Variants in SLC48A1 observed in about 807,000 individuals in gnomAD.
SLC48A1 encodes heme transporter HRG1.
SLC48A1 carries 6 observed loss-of-function variants against 14.8 expected under a neutral mutation model. The observed-to-expected ratio is 0.41, with a 90% confidence interval of 0.22 to 0.80. SLC48A1 has a LOEUF of 0.80. Among genes scored for constraint, SLC48A1 ranks in the 30% least tolerant of loss-of-function variants. The pLI, the probability that SLC48A1 is intolerant of heterozygous loss-of-function variation, is 0.34. For synonymous variants in SLC48A1, 89 were observed against 90.0 expected, an observed-to-expected ratio of 0.99 and a Z score of 0.06; for missense variants, 165 against 204.8, an observed-to-expected ratio of 0.81 and a Z score of 1.19.
At chr12:47,779,291 G>T (rs1163324215) in intron 2 of SLC48A1, 96 bp downstream of exon 2, 1 of 1,426,918 alleles carries the variant, frequency 7.0e-7, no homozygotes, top group Non-Finnish European at 9.3e-7. Flanking sequence ...CCTCCAAAGA[G>T]ACTGGGTGAA....
intron 1 of SLC48A1, among the ~76,000 whole-genome samples, chr12:47,773,864 C>G (rs969611608): frequency 6.6e-6 from 1 of 151,924 alleles, no homozygotes; most frequent in Non-Finnish European, 1.5e-5. Flanking sequence ...GGATCCCCTG[C>G]CCCCCAGGCG....
chr12:47,756,069 C>A (rs1459504212), upstream of SLC48A1: 2 of 152,248 alleles, frequency 1.3e-5, no homozygotes, highest in Non-Finnish European at 2.9e-5. Context: ...GTCACCAACG[C>A]CCACCTGGCA....
upstream of SLC48A1, chr12:47,772,244 C>G (rs146369499): frequency 3.6e-3 from 553 of 154,892 alleles, 3 homozygotes; most frequent in African/African-American, 0.012. Context: ...GATTTTCCCT[C>G]CAGCTCCCGG....
At position 47,764,441 on chromosome 12, in the gene SLC48A1, C is replaced by T. The variant is rs367786088; in HGVS notation, c.-187+4040C>T. Reference sequence around the variant, plus strand: ...CCAGGCCTCTGTTCAGGACTCAAACCCTGTGCCCACTTTGTCCTTTTGTTT... The same window carrying T: ...CCAGGCCTCTGTTCAGGACTCAAACTCTGTGCCCACTTTGTCCTTTTGTTT... On this transcript the variant is annotated intron_variant, in intron 2 of 4. Transcript: ENST00000547002. Among the ~76,000 whole-genome samples, 15 of 152,320 alleles carry T rather than the reference C, an allele frequency of 9.8e-5. No homozygotes were observed. The East Asian group carries it at 1.7e-3, about 18-fold the overall frequency.
intron 1 of SLC48A1, among the ~76,000 whole-genome samples, chr12:47,775,279 C>T (rs1942722540): frequency 6.6e-6 from 1 of 152,178 alleles, no homozygotes. Context: ...TCTTCCGACC[C>T]AACTCTGCCC....
chr12:47,758,080 T>G (rs1408110648), upstream of SLC48A1: 12 of 1,559,744 alleles, frequency 7.7e-6, no homozygotes, highest in Non-Finnish European at 1.0e-5. Context: ...CCAGCCCACC[T>G]GTGACACGGG....
At chr12:47,773,203 C>T (rs1439785014), upstream of SLC48A1, 11 of 1,029,408 alleles carry the variant, frequency 1.1e-5, no homozygotes, top group Non-Finnish European at 1.2e-5. Context: ...CGCGGGGCGC[C>T]GGCTGCTCTG....
rs1319063903 is a variant in SLC48A1 at position 47,779,064 on chromosome 12, T to C, written c.173T>C (p.Met58Thr). ...LALWVLVTHV[M>T]YMQDYWRTWL... is the part of the protein sequence containing the mutation. ...CTGTGGGTCCTGGTGACGCACGTGA[T>C]GTACATGCAAGATTATTGGAGGACC... The change falls in exon 2 of 3, where the codon ATG becomes ACG. Residue 58 changes from methionine to threonine, a missense_variant. Met to Thr is a moderately conservative substitution (Grantham distance 81, BLOSUM62 -1). Coordinates refer to ENST00000442218, the MANE Select transcript of SLC48A1 (RefSeq NM_017842.3). The C allele has an allele frequency of 1.3e-6, 2 of 1,551,790 alleles. No homozygotes were observed. Among genetic ancestry groups the C allele is most frequent in the Non-Finnish European group, 8.7e-7 (1 of 1,147,020 alleles).
At chr12:47,778,995 C>G (rs73105899) in intron 1 of SLC48A1, 33 bp from the exon 2 acceptor site, 255,275 of 1,543,920 alleles carry the variant, frequency 0.17, 22,368 homozygotes, top group Non-Finnish European at 0.18. Flanking sequence ...CTGGAGCACC[C>G]TGGGGATGGG....
intron 2 of SLC48A1, among the ~76,000 whole-genome samples, chr12:47,762,960 G>GC (rs1942419915): frequency 6.6e-6 from 1 of 152,176 alleles, no homozygotes; most frequent in Non-Finnish European, 1.5e-5. Context: ...AATCTTCAGG[G>GC]CCCCAGAGCC....
At chr12:47,776,084 G>A (rs1942745788) in intron 1 of SLC48A1, among the ~76,000 whole-genome samples, 1 of 152,208 alleles carries the variant, frequency 6.6e-6, no homozygotes, top group South Asian at 2.1e-4. Context: ...CTCCAGGACT[G>A]TCTTCCTCCT....
intron 1 of SLC48A1, among the ~76,000 whole-genome samples, chr12:47,774,260 A>G (rs927790633): frequency 6.6e-6 from 1 of 152,230 alleles, no homozygotes; most frequent in African/African-American, 2.4e-5. Flanking sequence ...ATTGGTATGA[A>G]GATGAAAAAT....
chr12:47,767,023 C>G (rs939286586), upstream of SLC48A1, among the ~76,000 whole-genome samples: 1 of 152,130 alleles, frequency 6.6e-6, no homozygotes, highest in Non-Finnish European at 1.5e-5. Context: ...TCTAGGACAG[C>G]CCTTTCTGCT....
chr12:47,766,078 ATTC>A (rs1478951630), intron 2 of SLC48A1, among the ~76,000 whole-genome samples: 1 of 152,096 alleles, frequency 6.6e-6, no homozygotes, highest in Non-Finnish European at 1.5e-5. Context: ...CTAGGGTGCC[ATTC>A]TTGGGGCCCC....
chr12:47,781,547 A>T lies in SLC48A1; in HGVS notation c.*1266A>T, dbSNP rs117708888. The T allele has an allele frequency of 8.8e-3, 1,347 of 153,118 alleles. 8 individuals are homozygous for T. Among genetic ancestry groups the T allele is most frequent in the Non-Finnish European group, 0.013 (910 of 68,332 alleles). The allele number at this position is 153,118 out of a possible 1,614,324, so 9.5% of individuals were successfully genotyped here. Reference sequence around the variant, plus strand: ...GGAAGGGGCTGTTGGTACAAGGATGATTTTCTGTTAGACTGCCATTTTGCA... The same window carrying T: ...GGAAGGGGCTGTTGGTACAAGGATGTTTTTCTGTTAGACTGCCATTTTGCA... On this transcript the variant is annotated 3_prime_UTR_variant, in exon 3 of 3. Transcript: ENST00000442218.
chr12:47,756,814 C>T (rs1942086243), upstream of SLC48A1, among the ~76,000 whole-genome samples: 1 of 151,898 alleles, frequency 6.6e-6, no homozygotes, highest in South Asian at 2.1e-4. Context: ...ACTAAAAATA[C>T]AAAAATTAGC....
upstream of SLC48A1, among the ~76,000 whole-genome samples, chr12:47,768,049 C>T (rs1942554347): frequency 6.6e-6 from 1 of 152,120 alleles, no homozygotes; most frequent in Non-Finnish European, 1.5e-5. Context: ...GCGATCTTGG[C>T]TCACTGCAAC....
Position 47,773,443 on chromosome 12 carries a change from A to T in SLC48A1, c.136+3A>T. ...CGCGGCCATGGGAGGGCTCGCAGGTACCCCGGGACGCTGGGCGGCGCGGGG... is the reference window on the plus strand; with the variant it reads ...CGCGGCCATGGGAGGGCTCGCAGGTTCCCCGGGACGCTGGGCGGCGCGGGG... On this transcript the variant is annotated splice_donor_region_variant and intron_variant, in intron 1 of 2. Coordinates refer to ENST00000442218, the MANE Select transcript of SLC48A1 (RefSeq NM_017842.3). The T allele has an allele frequency of 7.3e-7, 1 of 1,377,368 alleles. No individual in the cohort carries two copies. The highest frequency in any genetic ancestry group is 9.4e-7 in the Non-Finnish European group (1 of 1,058,442). 85.3% of individuals were successfully genotyped at this position (1,377,368 alleles called of 1,614,324 possible). A position where few individuals can be genotyped will look rare whatever the true frequency, so the allele number is the denominator to read the frequency against.
At chr12:47,760,446 G>A in intron 2 of SLC48A1, 1 of 981,388 alleles carries the variant, frequency 1.0e-6, no homozygotes, top group Non-Finnish European at 1.2e-6. Context: ...TGAGTTTCGG[G>A]TTGCTGGGGC....
Sources: gnomAD v4.1 joint callset for allele counts (sites outside exome capture counted in the v4.1 genomes callset) on GRCh38, gnomAD v4.1.1 for gene constraint, MANE v1.5 for transcripts, NCBI Gene and HGNC (gene_info 2026-07-23, HGNC 2026-07-21) for gene names.